Variants in GEMIN4 observed in about 807,000 individuals in gnomAD.
The protein encoded by GEMIN4 is gem nuclear organelle associated protein 4.
A neutral mutation model predicts 76.8 loss-of-function variants in GEMIN4; 59 were observed. That is an observed-to-expected ratio of 0.77 (90% confidence interval 0.62 to 0.95). The LOEUF is 0.95. Ranked by LOEUF, GEMIN4 falls within the 40% of genes least tolerant of loss-of-function variation. The probability of loss-of-function intolerance (pLI) is 0.00; values close to 1 mark genes in which losing one functional copy is unlikely to be tolerated. For synonymous variants in GEMIN4, 562 were observed against 559.7 expected, an observed-to-expected ratio of 1.00 and a Z score of -0.06; for missense variants, 1,311 against 1,318.9, an observed-to-expected ratio of 0.99 and a Z score of 0.09.
At position 747,339 on chromosome 17, in the gene GEMIN4, C is replaced by T; in HGVS notation, c.704G>A (p.Arg235Lys). The part of the protein sequence containing the change: ...QIQSRILGPG[R>K]KCCALANLAD... ...CAGGTTGGCCAGCGCACAGCACTTCCTCCCCGGGCCCAGGATCCGACTCTG... is the reference window on the plus strand; with the variant it reads ...CAGGTTGGCCAGCGCACAGCACTTCTTCCCCGGGCCCAGGATCCGACTCTG... Residue 235 changes from arginine (R) to lysine (K), a missense_variant, in exon 2 of 2, where the codon AGG becomes AAG. Arg to Lys is a conservative substitution (Grantham distance 26). Around this residue, in one of 2 missense-constraint regions of GEMIN4, gnomAD observed 1,208 missense variants for 1,166.9 expected, o/e 1.04. Transcript: ENST00000319004. 6 of 1,613,794 alleles carry T rather than the reference C, an allele frequency of 3.7e-6. No individual in the cohort carries two copies. Among genetic ancestry groups the T allele is most frequent in the Non-Finnish European group, 5.1e-6 (6 of 1,179,906 alleles).
In GEMIN4 at chr17:752,149, G is replaced by T. The variant is rs1436266785; in HGVS notation, c.-7C>A. On this transcript the variant is annotated 5_prime_UTR_variant, in exon 1 of 2. Coordinates refer to ENST00000319004, the MANE Select transcript of GEMIN4 (RefSeq NM_015721.3). ...GGCACCCACCTAGGTCCATGGCGGC[G>T]ACGCCGGCGGCTGCGCGGGGCTAAC... 3.2e-6 allele frequency: 4 copies of T among 1,236,890 alleles called. No homozygotes were observed. The highest frequency in any genetic ancestry group is 4.0e-6 in the Non-Finnish European group (4 of 990,044). The allele number at this position is 1,236,890 out of a possible 1,614,324, so 76.6% of individuals were successfully genotyped here.
At chr17:748,727 T>C (rs1464481803) in intron 1 of GEMIN4, 6 of 203,272 alleles carry the variant, frequency 3.0e-5, no homozygotes, top group Non-Finnish European at 4.8e-5. Context: ...CACAGGATAA[T>C]GGGCACAGAG....
chr17:746,632 T>C lies in GEMIN4; in HGVS notation c.1411A>G (p.Ile471Val). ...ACCTGCCGGATCTGAGACTCAGGGATGGCTCTGTCAGCTGTGCTGACGTCT... is the reference window on the plus strand; with the variant it reads ...ACCTGCCGGATCTGAGACTCAGGGACGGCTCTGTCAGCTGTGCTGACGTCT... Reference protein sequence around the residue: ...VIDVSTADRAIPESQIRQVIH... With the variant: ...VIDVSTADRAVPESQIRQVIH... Residue 471 changes from isoleucine to valine, a missense_variant, in exon 2 of 2, where the codon ATC becomes GTC. Ile to Val is a conservative substitution (Grantham distance 29). This residue lies in a region of GEMIN4 where 1,208 missense variants were observed against 1,166.9 expected (regional missense o/e 1.04). Transcript: ENST00000319004. The surrounding 1 kb of genome is among the most constrained non-coding windows in gnomAD (Gnocchi z 4.3). 1 of 1,613,606 alleles carries C rather than the reference T, an allele frequency of 6.2e-7. No homozygotes were observed. The highest frequency in any genetic ancestry group is 8.5e-7 in the Non-Finnish European group (1 of 1,179,876).
rs1035385985 is a variant in GEMIN4 at position 747,669 on chromosome 17, A to T, written c.374T>A (p.Phe125Tyr). Residue 125 changes from phenylalanine (F) to tyrosine (Y), a missense_variant, in exon 2 of 2, where the codon TTT (phenylalanine) becomes TAT (tyrosine). Coordinates refer to ENST00000319004, the MANE Select transcript of GEMIN4 (RefSeq NM_015721.3). Reference sequence around the variant, plus strand: ...GGGCAGGGCCATCAGGAGCTGGATAAAGAGTCCAGAAGCTTCCAGGGATTT... The same window carrying T: ...GGGCAGGGCCATCAGGAGCTGGATATAGAGTCCAGAAGCTTCCAGGGATTT... ...LLKSLEASGL[F>Y]IQLLMALPTT... 6.2e-7 allele frequency: 1 copy of T among 1,613,716 alleles called. No homozygotes were observed. Among genetic ancestry groups the T allele is most frequent in the African/African-American group, 1.3e-5 (1 of 74,996 alleles).
At chr17:752,358 G>GAGCCCTCCCACC (rs1904781287), upstream of GEMIN4, 1 of 1,114,736 alleles carries the variant, frequency 9.0e-7, no homozygotes, top group South Asian at 4.7e-5. Flanking sequence ...CCTTCCGGCA[G>GAGCCCTCCCACC]AGCCCTCCCA....
chr17:752,708 A>G (rs891476064), upstream of GEMIN4: 33 of 864,418 alleles, frequency 3.8e-5, no homozygotes, highest in African/African-American at 5.9e-4. Context: ...CTCCCCAGAA[A>G]ATGCGCCGTG....
chr17:750,194 C>G (rs1904592811), intron 1 of GEMIN4, among the ~76,000 whole-genome samples: 1 of 148,284 alleles, frequency 6.7e-6, no homozygotes, highest in African/African-American at 2.4e-5. Flanking sequence ...CCCTCCATCT[C>G]CGAAAAAAAA....
Position 746,212 on chromosome 17 carries a change from C to T in GEMIN4, c.1831G>A (p.Val611Ile), listed in dbSNP as rs368058625. The change falls in exon 2 of 2, where the codon GTC (valine) becomes ATC (isoleucine). Residue 611 changes from valine (V) to isoleucine (I), a missense_variant. Val to Ile is a conservative substitution (Grantham distance 29). Around this residue, in one of 2 missense-constraint regions of GEMIN4, gnomAD observed 1,208 missense variants for 1,166.9 expected, o/e 1.04. Coordinates refer to ENST00000319004, the MANE Select transcript of GEMIN4 (RefSeq NM_015721.3). The surrounding 1 kb of genome is among the most constrained non-coding windows in gnomAD (Gnocchi z 4.3). ...TTGGGTGTAGAGAACTTCATCCAGA[C>T]GGTTTCTTTGAGGCATGACACCATG... is the stretch of plus-strand genomic sequence containing the variant. ...TFMVSCLKET[V>I]WMKFSTPKEE... is the part of the protein sequence containing the mutation. 3.2e-5 allele frequency: 52 copies of T among 1,613,656 alleles called. No individual in the cohort carries two copies. Among genetic ancestry groups the T allele is most frequent in the East Asian group, 8.9e-5 (4 of 44,888 alleles).
rs1567777895 is a variant in GEMIN4 at position 746,752 on chromosome 17, A to T, written c.1291T>A (p.Trp431Arg). 2 of 1,613,544 alleles carry T rather than the reference A, an allele frequency of 1.2e-6. No individual in the cohort carries two copies. Among genetic ancestry groups the T allele is most frequent in the Non-Finnish European group, 1.7e-6 (2 of 1,179,720 alleles). Residue 431 changes from tryptophan (W) to arginine (R), a missense_variant, in exon 2 of 2, where the codon TGG (tryptophan) becomes AGG (arginine). Around this residue, in one of 2 missense-constraint regions of GEMIN4, gnomAD observed 1,208 missense variants for 1,166.9 expected, o/e 1.04. Coordinates refer to ENST00000319004, the MANE Select transcript of GEMIN4 (RefSeq NM_015721.3). This position sits in a 1 kb window ranked among gnomAD's most constrained non-coding sequence, Gnocchi z 4.3. ...GCTACCCACTCGTCCGAGAAGGCCC[A>T]CTTCTTCTCAGAGGCAAAAATGTAG... is the stretch of plus-strand genomic sequence containing the variant. ...VCYIFASEKK[W>R]AFSDEWVACL...
upstream of GEMIN4, chr17:752,557 A>C: frequency 5.2e-6 from 3 of 580,424 alleles, no homozygotes; most frequent in South Asian, 7.9e-5. Flanking sequence ...GACGCCCACC[A>C]CCCAGCGCGG....
rs1257302179 is a variant in GEMIN4 at position 747,188 on chromosome 17, G to A, written c.855C>T (p.His285=). ...TCACCTTCTCTGCCAGCGCCTGCTG[G>A]TGGTAGGGATTCTGGGTGTCCGAGT... ...VWNSDTQNPY[H]QQALAEKVKE... Residue 285 remains histidine (H), a synonymous_variant, in exon 2 of 2, where the codon CAC becomes CAT. Transcript: ENST00000319004. The A allele has an allele frequency of 9.3e-6, 15 of 1,612,870 alleles. No individual in the cohort carries two copies. The highest frequency in any genetic ancestry group is 1.3e-5 in the African/African-American group (1 of 74,628).
At chr17:752,425 C>T (rs1436915530), upstream of GEMIN4, among the ~76,000 whole-genome samples, 2 of 152,204 alleles carry the variant, frequency 1.3e-5, no homozygotes, top group Non-Finnish European at 2.9e-5. Context: ...GTCCCCTGCC[C>T]GGCCCCTCTT....
At chr17:751,927 G>A (rs1904724588) in intron 1 of GEMIN4, 1 of 385,832 alleles carries the variant, frequency 2.6e-6, no homozygotes, top group African/African-American at 2.1e-5. Context: ...GGGGCCGGAG[G>A]CGGCAAGACG....
chr17:751,917 G>C, intron 1 of GEMIN4: 1 of 384,002 alleles, frequency 2.6e-6, no homozygotes, highest in Non-Finnish European at 4.6e-6. Context: ...TCAAGCGCAG[G>C]GGGCCGGAGG....
chr17:750,470 G>T (rs1597563863), intron 1 of GEMIN4, among the ~76,000 whole-genome samples: 1 of 152,180 alleles, frequency 6.6e-6, no homozygotes, highest in Non-Finnish European at 1.5e-5. Context: ...TTCATGGTTG[G>T]CAAGACCAGA....
Position 747,580 on chromosome 17 carries a change from C to T in GEMIN4, c.463G>A (p.Glu155Lys), listed in dbSNP as rs376266168. 1.2e-5 allele frequency: 20 copies of T among 1,613,918 alleles called. No individual in the cohort carries two copies. The highest frequency in any genetic ancestry group is 5.5e-5 in the South Asian group (5 of 91,078). The change falls in exon 2 of 2, where the codon GAA becomes AAA. Residue 155 changes from glutamate to lysine, a missense_variant. By Grantham distance (56) the Glu-to-Lys change is moderately conservative. Around this residue, in one of 2 missense-constraint regions of GEMIN4, gnomAD observed 1,208 missense variants for 1,166.9 expected, o/e 1.04. Transcript: ENST00000319004. Reference sequence around the variant, plus strand: ...ACGTCCAGGAAGAAGGCCACGTCTTCGGCAGAAGTGTCAACGGTCACATGT... The same window carrying T: ...ACGTCCAGGAAGAAGGCCACGTCTTTGGCAGAAGTGTCAACGGTCACATGT... ...LEHVTVDTSA[E>K]DVAFFLDVWW...
chr17:751,500 C>G (rs1904683713), intron 1 of GEMIN4, among the ~76,000 whole-genome samples: 1 of 152,172 alleles, frequency 6.6e-6, no homozygotes, highest in Non-Finnish European at 1.5e-5. Context: ...CAAGATTTAG[C>G]AGGGAGCATC....
At position 747,634 on chromosome 17, in the gene GEMIN4, A is replaced by G; in HGVS notation, c.409T>C (p.Cys137Arg). The change falls in exon 2 of 2, where the codon TGC becomes CGC. Residue 137 changes from cysteine to arginine, a missense_variant. Transcript: ENST00000319004. ...QLLMALPTTI[C>R]HAELERFLEH... ...AGAAAGCGCTCTAGTTCTGCATGGC[A>G]GATGGTGGTGGGCAGGGCCATCAGG... 1 of 1,613,970 alleles carries G rather than the reference A, an allele frequency of 6.2e-7. No homozygotes were observed. The highest frequency in any genetic ancestry group is 8.5e-7 in the Non-Finnish European group (1 of 1,179,880).
Position 746,731 on chromosome 17 carries a change from C to G in GEMIN4, c.1312G>C (p.Val438Leu). 1 of 1,613,670 alleles carries G rather than the reference C, an allele frequency of 6.2e-7. No homozygotes were observed. Among genetic ancestry groups the G allele is most frequent in the Non-Finnish European group, 8.5e-7 (1 of 1,179,842 alleles). ...GCCCTGTTACTCCCCAGGCAGGCTA[C>G]CCACTCGTCCGAGAAGGCCCACTTC... Reference protein sequence around the residue: ...EKKWAFSDEWVACLGSNRALF... With the variant: ...EKKWAFSDEWLACLGSNRALF... The change falls in exon 2 of 2, where the codon GTA becomes CTA. Residue 438 changes from valine to leucine, a missense_variant. Val to Leu is a conservative substitution (Grantham distance 32). Coordinates refer to ENST00000319004, the MANE Select transcript of GEMIN4 (RefSeq NM_015721.3). The surrounding 1 kb of genome is among the most constrained non-coding windows in gnomAD (Gnocchi z 4.3).
Sources: gnomAD v4.1 joint callset for allele counts (sites outside exome capture counted in the v4.1 genomes callset) on GRCh38, gnomAD v4.1.1 for gene constraint, gnomAD v4.1.1 regional missense constraint, Gnocchi (gnomAD v3.1) non-coding constraint, MANE v1.5 for transcripts, NCBI Gene and HGNC (gene_info 2026-07-23, HGNC 2026-07-21) for gene names.